SFXN1: variants seen among roughly 807,000 people sequenced by gnomAD.
SFXN1 encodes sideroflexin-1.
SFXN1 carries 32 observed loss-of-function variants against 39.5 expected under a neutral mutation model. The observed-to-expected ratio is 0.81, with a 90% CI of 0.61 to 1.09. The LOEUF (loss-of-function observed/expected upper bound fraction) is 1.09, where lower values mean the gene tolerates loss of function less well. SFXN1 is among the 50% of genes least tolerant of loss of function. SFXN1 has a pLI of 0.00. For missense variants in SFXN1, 402 were observed against 407.1 expected (o/e 0.99, Z 0.11); for synonymous variants, 136 against 146.5 (o/e 0.93, Z 0.52).
intron 1 of SFXN1, among the ~76,000 whole-genome samples, chr5:175,485,990 C>G (rs1170291112): frequency 6.6e-6 from 1 of 152,170 alleles, no homozygotes; most frequent in Non-Finnish European, 1.5e-5. Flanking sequence ...TAGCCCAATT[C>G]CTTGTATATA....
intron 2 of SFXN1, among the ~76,000 whole-genome samples, chr5:175,500,338 G>A (rs1274857716): frequency 6.7e-6 from 1 of 149,164 alleles, no homozygotes; most frequent in Non-Finnish European, 1.5e-5. Context: ...ACCATTTTCA[G>A]TAGCAACAAA....
At position 175,488,688 on chromosome 5, in the gene SFXN1, C is replaced by T. The variant is rs6875584; in HGVS notation, c.-9-3407C>T. Among the ~76,000 whole-genome samples the T allele has an allele frequency of 7.2e-3, 1,086 of 151,686 alleles. 17 individuals are homozygous for T. The highest frequency in any genetic ancestry group is 0.025 in the African/African-American group (1,033 of 41,346). ...TCCCCCAGATATCCCCATGATTCAA[C>T]TCTTCACTTTCCTCTGATCTTGCTG... On this transcript the variant is annotated intron_variant, in intron 1 of 10. Transcript: ENST00000321442.
At chr5:175,504,646 A>G (rs185122111) in intron 2 of SFXN1, among the ~76,000 whole-genome samples, 50 of 152,206 alleles carry the variant, frequency 3.3e-4, no homozygotes, top group Non-Finnish European at 6.5e-4. Context: ...TGAGGGGGCT[A>G]TTTATAATAG....
chr5:175,493,669 C>T (rs1182094589), intron 2 of SFXN1, among the ~76,000 whole-genome samples: 1 of 152,132 alleles, frequency 6.6e-6, no homozygotes, highest in Non-Finnish European at 1.5e-5. Flanking sequence ...GGAAGATTGC[C>T]AAGAACGTAC....
intron 2 of SFXN1, among the ~76,000 whole-genome samples, chr5:175,503,328 T>C (rs1230991205): frequency 6.6e-6 from 1 of 152,142 alleles, no homozygotes; most frequent in African/African-American, 2.4e-5. Flanking sequence ...ATAAATGATT[T>C]AAAAAATACA....
intron 1 of SFXN1, among the ~76,000 whole-genome samples, chr5:175,484,633 G>A (rs1020739410): frequency 7.9e-5 from 12 of 152,268 alleles, no homozygotes; most frequent in African/African-American, 2.7e-4. Context: ...ATAGACTCTA[G>A]ACACAAAATG....
In SFXN1 at chr5:175,492,098, G is replaced by A. The variant is rs781039368; in HGVS notation, c.-6G>A. The stretch of plus-strand genomic sequence containing the variant: ...TTGCCTTTTTGACTCTTTGCAGTCC[G>A]GGACCATGTCTGGAGAACTACCACC... On this transcript the variant is annotated 5_prime_UTR_variant, in exon 2 of 11. Transcript: ENST00000321442. The A allele has an allele frequency of 3.0e-5, 49 of 1,611,228 alleles. No homozygotes were observed. The highest frequency in any genetic ancestry group is 3.6e-5 in the Non-Finnish European group (42 of 1,178,966).
In SFXN1 at chr5:175,527,692, C is replaced by T. The variant is rs879902119; in HGVS notation, c.*958C>T. 1 of 151,934 alleles carries T rather than the reference C, an allele frequency of 6.6e-6. No homozygotes were observed. The highest frequency in any genetic ancestry group is 1.5e-5 in the Non-Finnish European group (1 of 68,000). The allele number at this position is 151,934 out of a possible 1,614,324, so 9.4% of individuals were successfully genotyped here. A position where few individuals can be genotyped will look rare whatever the true frequency, so the allele number is the denominator to read the frequency against. The stretch of plus-strand genomic sequence containing the variant: ...ATACAGTGATAATGTGTGTATGAAT[C>T]AGTCACAATGAATTTTACTTGAATA... On this transcript the variant is annotated 3_prime_UTR_variant, in exon 11 of 11. Coordinates refer to ENST00000321442, the MANE Select transcript of SFXN1 (RefSeq NM_022754.7).
intron 2 of SFXN1, among the ~76,000 whole-genome samples, chr5:175,497,917 CA>C (rs561998314): frequency 7.4e-5 from 8 of 107,910 alleles, no homozygotes; most frequent in African/African-American, 2.5e-4. Flanking sequence ...GTGACAAGAG[CA>C]AAACTCCGTC....
chr5:175,510,127 G>C lies in SFXN1; in HGVS notation c.354G>C (p.Leu118=). ...GTTTTAGGACTACGCCGGCTGTGCTGTTCTGGCAGTGGATTAACCAGTCCT... is the reference window on the plus strand; with the variant it reads ...GTTTTAGGACTACGCCGGCTGTGCTCTTCTGGCAGTGGATTAACCAGTCCT... ...MTFYRTTPAV[L]FWQWINQSFN... Residue 118 remains leucine (L), a synonymous_variant, in exon 4 of 11, where the codon CTG becomes CTC. Transcript: ENST00000321442. 1.2e-6 allele frequency: 2 copies of C among 1,612,950 alleles called. No individual in the cohort carries two copies. The highest frequency in any genetic ancestry group is 1.7e-6 in the Non-Finnish European group (2 of 1,179,540).
At chr5:175,484,613 C>T (rs571436749) in intron 1 of SFXN1, among the ~76,000 whole-genome samples, 3 of 152,376 alleles carry the variant, frequency 2.0e-5, no homozygotes, top group African/African-American at 4.8e-5. Flanking sequence ...ACCAGCATCT[C>T]GCTCCCTGAA....
At chr5:175,507,976 A>AAT (rs1554101398) in intron 2 of SFXN1, among the ~76,000 whole-genome samples, 11 of 106,256 alleles carry the variant, frequency 1.0e-4, no homozygotes, top group African/African-American at 3.9e-4. Context: ...CTGTCTTTAA[A>AAT]AAAAAAAAAA....
chr5:175,509,160 C>A lies in SFXN1; in HGVS notation c.293C>A (p.Pro98His). Residue 98 changes from proline to histidine, a missense_variant, in exon 3 of 11, where the codon CCC becomes CAC. Transcript: ENST00000321442. ...ATAGGAAGAATGTCAGCCCAGGTTC[C>A]CATGAACATGACCATCACAGGTTGT... ...ILIGRMSAQV[P>H]MNMTITGCMM... 1 of 1,613,304 alleles carries A rather than the reference C, an allele frequency of 6.2e-7. No individual in the cohort carries two copies.
chr5:175,516,773 C>G, intron 8 of SFXN1, 110 bp downstream of exon 8: 1 of 1,035,210 alleles, frequency 9.7e-7, no homozygotes, highest in Non-Finnish European at 1.4e-6. Context: ...AGGCCAGTTT[C>G]CTGGGCTCTT....
chr5:175,493,858 CTTTACAGGCCATGCA>C lies in SFXN1; in HGVS notation c.164+1594_164+1608del, dbSNP rs543522340. ...AGGGCCAGACGACAAGTATTTTAGG[CTTTACAGGCCATGCA>C]TTCTTTGTCACATATTCTTGTTTGT... is the stretch of plus-strand genomic sequence containing the variant. On this transcript the variant is annotated intron_variant, in intron 2 of 10. Transcript: ENST00000321442. 1.5e-4 allele frequency among the ~76,000 whole-genome samples: 23 copies of C among 152,286 alleles called. 1 individual carries two copies. The South Asian group carries it at 4.8e-3, about 32-fold the overall frequency.
chr5:175,522,783 A>C, intron 10 of SFXN1: 1 of 184,050 alleles, frequency 5.4e-6, no homozygotes, highest in Non-Finnish European at 1.1e-5. Context: ...CCCCAGGGAC[A>C]GCAATTATAT....
intron 2 of SFXN1, among the ~76,000 whole-genome samples, chr5:175,507,731 G>C (rs1431320752): frequency 6.6e-6 from 1 of 152,152 alleles, no homozygotes; most frequent in Non-Finnish European, 1.5e-5. Flanking sequence ...CAGCCCTTTG[G>C]AGGCCATGGC....
At chr5:175,524,179 A>C (rs1760990166) in intron 10 of SFXN1, 1 of 134,866 alleles carries the variant, frequency 7.4e-6, no homozygotes, top group Non-Finnish European at 1.6e-5. Flanking sequence ...TATCTCCAAT[A>C]AGTTACATCT....
chr5:175,510,247 A>G (rs1331033679), intron 4 of SFXN1, 40 bp downstream of exon 4: 7 of 1,516,182 alleles, frequency 4.6e-6, no homozygotes, highest in African/African-American at 4.1e-5. Context: ...CAGTTCTTCA[A>G]CCTTCATTTT....
Sources: allele counts gnomAD v4.1 joint callset (sites outside exome capture counted in the v4.1 genomes callset), GRCh38; gene constraint gnomAD v4.1.1; transcripts MANE v1.5; gene names NCBI Gene and HGNC (gene_info 2026-07-23, HGNC 2026-07-21).